LBP: variants seen among roughly 807,000 people sequenced by gnomAD.
LBP encodes lipopolysaccharide-binding protein.
A neutral mutation model predicts 56.6 loss-of-function variants in LBP; 53 were observed. The observed-to-expected ratio is 0.94, with a 90% CI of 0.75 to 1.18. The LOEUF is 1.18. Among genes scored for constraint, LBP ranks in the 50% most tolerant of loss-of-function variants. The probability of loss-of-function intolerance (pLI) is 0.00; values close to 1 mark genes in which losing one functional copy is unlikely to be tolerated. For synonymous variants in LBP, 227 were observed against 247.5 expected (o/e 0.92, Z 0.78); for missense variants, 601 against 598.3 (o/e 1.00, Z -0.05).
chr20:38,355,131 C>T (rs2076834155), intron 4 of LBP, among the ~76,000 whole-genome samples: 1 of 152,220 alleles, frequency 6.6e-6, no homozygotes, highest in Non-Finnish European at 1.5e-5. Context: ...AGCCGCTTCC[C>T]CAAATCTGCT....
intron 9 of LBP, among the ~76,000 whole-genome samples, chr20:38,367,163 T>G (rs1006328498): frequency 1.3e-5 from 2 of 152,134 alleles, no homozygotes; most frequent in African/African-American, 2.4e-5. Flanking sequence ...CTTTAAAAAA[T>G]TATTTTTTGG....
intron 9 of LBP, 70 bp downstream of exon 9, chr20:38,366,898 CCT>C (rs2076884370): frequency 1.5e-6 from 2 of 1,364,164 alleles, no homozygotes; most frequent in East Asian, 4.6e-5. Flanking sequence ...CTCTTTAAAA[CCT>C]CTGCATCTCT....
At chr20:38,356,479 G>A (rs1195662023) in intron 5 of LBP, among the ~76,000 whole-genome samples, 2 of 147,554 alleles carry the variant, frequency 1.4e-5, no homozygotes, top group African/African-American at 5.1e-5. Context: ...TCCAACCTCT[G>A]GTTTGGCTTT....
In LBP at chr20:38,346,638, A is replaced by G. The variant is rs776636474; in HGVS notation, c.122A>G (p.Tyr41Cys). Reference protein sequence around the residue: ...VARITDKGLQYAAQEGLLALQ... With the variant: ...VARITDKGLQCAAQEGLLALQ... Reference sequence around the variant, plus strand: ...AGGATCACCGACAAGGGACTGCAGTATGGTAAGAAGCCACATCTGCTGGCT... The same window carrying G: ...AGGATCACCGACAAGGGACTGCAGTGTGGTAAGAAGCCACATCTGCTGGCT... The change falls in exon 1 of 15, where the codon TAT becomes TGT. Residue 41 changes from tyrosine (Y) to cysteine (C), a missense_variant and splice_region_variant. Physicochemically the swap from Tyr to Cys is radical, Grantham distance 194. Transcript: ENST00000217407. 8.1e-6 allele frequency: 13 copies of G among 1,613,346 alleles called. No homozygotes were observed. In the Admixed American group the frequency reaches 2.0e-4, roughly 25 times the overall value.
chr20:38,350,100 T>C (rs979914247), intron 2 of LBP, among the ~76,000 whole-genome samples: 2 of 152,160 alleles, frequency 1.3e-5, no homozygotes, highest in African/African-American at 2.4e-5. Flanking sequence ...AGCCAAGTCT[T>C]CAAAAGATTA....
intron 2 of LBP, among the ~76,000 whole-genome samples, chr20:38,350,404 TC>T (rs552745629): frequency 3.5e-4 from 54 of 152,124 alleles, no homozygotes; most frequent in Non-Finnish European, 6.5e-4. Context: ...TGAATCTGTT[TC>T]CCCCCTACCT....
chr20:38,375,683 A>G (rs1422777210), intron 14 of LBP, among the ~76,000 whole-genome samples: 1 of 152,244 alleles, frequency 6.6e-6, no homozygotes, highest in Non-Finnish European at 1.5e-5. Flanking sequence ...TATTCAAACT[A>G]TTATTCTGAC....
At chr20:38,352,522 A>G (rs2076823994) in intron 3 of LBP, among the ~76,000 whole-genome samples, 1 of 152,228 alleles carries the variant, frequency 6.6e-6, no homozygotes, top group African/African-American at 2.4e-5. Flanking sequence ...TGGGAGGCTG[A>G]GGCAGGTGGA....
rs544709874 is a variant in LBP at position 38,373,976 on chromosome 20, G to A, written c.1364G>A (p.Arg455His). ...AEGFPLPLLKRVQLYDLGLQI... is the reference protein window; with the variant it reads ...AEGFPLPLLKHVQLYDLGLQI... Reference sequence around the variant, plus strand: ...GGCTTCCCCCTTCCTCTGCTGAAGCGTGTTCAGCTCTACGACCTTGGGCTG... The same window carrying A: ...GGCTTCCCCCTTCCTCTGCTGAAGCATGTTCAGCTCTACGACCTTGGGCTG... Residue 455 changes from arginine (R) to histidine (H), a missense_variant, in exon 14 of 15, where the codon CGT becomes CAT. Transcript: ENST00000217407. The A allele has an allele frequency of 9.9e-6, 16 of 1,614,030 alleles. No homozygotes were observed. Among genetic ancestry groups the A allele is most frequent in the East Asian group, 4.5e-5 (2 of 44,884 alleles).
intron 5 of LBP, among the ~76,000 whole-genome samples, chr20:38,357,097 T>C (rs147651643): frequency 0.073 from 11,129 of 152,208 alleles, 1,301 homozygotes; most frequent in African/African-American, 0.25. Context: ...CCTCATGATC[T>C]GCTCACCTCA....
chr20:38,363,020 A>G (rs182463963), intron 6 of LBP, among the ~76,000 whole-genome samples: 2 of 152,312 alleles, frequency 1.3e-5, no homozygotes, highest in African/African-American at 4.8e-5. Context: ...TAGCTGGTTT[A>G]TTCTCCTTGC....
At chr20:38,371,818 GCA>G (rs145688223) in intron 12 of LBP, among the ~76,000 whole-genome samples, 3 of 151,718 alleles carry the variant, frequency 2.0e-5, no homozygotes, top group Non-Finnish European at 4.4e-5. Flanking sequence ...TAAAAAATTT[GCA>G]CACACACACA....
In LBP at chr20:38,354,332, G is replaced by A. The variant is rs927682341; in HGVS notation, c.417G>A (p.Ser139=). 4.3e-5 allele frequency: 69 copies of A among 1,613,606 alleles called. No individual in the cohort carries two copies. Among genetic ancestry groups the A allele is most frequent in the Non-Finnish European group, 5.7e-5 (67 of 1,179,920 alleles). The change falls in exon 4 of 15, where the codon TCG becomes TCA. Residue 139 remains serine (S), a synonymous_variant. Coordinates refer to ENST00000217407, the MANE Select transcript of LBP (RefSeq NM_004139.5). ...TCAGTGTCAAGGGCATCAGCATTTC[G>A]GTCAACCTCCTGTTGGGCAGCGAGT... The part of the protein sequence containing the change: ...FDVSVKGISI[S]VNLLLGSESS...
At chr20:38,362,877 G>T (rs556241355) in intron 6 of LBP, among the ~76,000 whole-genome samples, 14 of 152,196 alleles carry the variant, frequency 9.2e-5, no homozygotes, top group Admixed American at 9.2e-4. Context: ...GAGCCCAGGA[G>T]GTCAAGGCAG....
rs765916714 is a variant in LBP at position 38,347,952 on chromosome 20, C to G, written c.124+1312C>G. On this transcript the variant is annotated intron_variant, in intron 1 of 14. Coordinates refer to ENST00000217407, the MANE Select transcript of LBP (RefSeq NM_004139.5). ...GGGTTGTTGGGAGCCCAGACTGGCT[C>G]GAGACAGGCAGAGGGAAATCAGGGA... is the stretch of plus-strand genomic sequence containing the variant. Among the ~76,000 whole-genome samples the G allele has an allele frequency of 2.0e-5, 3 of 152,012 alleles. No homozygotes were observed. The East Asian group carries it at 5.8e-4, about 29-fold the overall frequency.
In LBP at chr20:38,376,952, C is replaced by T; in HGVS notation, c.*283C>T. On this transcript the variant is annotated 3_prime_UTR_variant, in exon 15 of 15. Transcript: ENST00000217407. ...TGTATTTTTTTATTCGCCATCTGAT[C>T]CCCATGCCTAGCAGAGTGCTGGCAC... 1.7e-6 allele frequency: 1 copy of T among 581,794 alleles called. No homozygotes were observed. The allele number at this position is 581,794 out of a possible 1,614,324, so 36.0% of individuals were successfully genotyped here. A position where few individuals can be genotyped will look rare whatever the true frequency, so the allele number is the denominator to read the frequency against.
At chr20:38,371,774 G>A (rs1166764587) in intron 12 of LBP, among the ~76,000 whole-genome samples, 1 of 151,756 alleles carries the variant, frequency 6.6e-6, no homozygotes. Context: ...CCAATTGGTA[G>A]CAAGCCCCAG....
intron 8 of LBP, among the ~76,000 whole-genome samples, chr20:38,365,500 C>T (rs563241248): frequency 1.2e-3 from 187 of 151,626 alleles, no homozygotes; most frequent in African/African-American, 4.2e-3. Context: ...AGTTCAAGAC[C>T]AGCCTGGTCA....
In LBP at chr20:38,375,177, G is replaced by C. The variant is rs549719574; in HGVS notation, c.1401+1164G>C. 3.4e-4 allele frequency among the ~76,000 whole-genome samples: 44 copies of C among 128,368 alleles called. 1 individual carries two copies. The highest frequency in any genetic ancestry group is 1.3e-3 in the African/African-American group (40 of 31,632). The allele number at this position is 128,368 out of a possible 152,430, so 84.2% of individuals were successfully genotyped here. The stretch of plus-strand genomic sequence containing the variant: ...CAGTTTGAATTTTGGTGTACTTCTA[G>C]TGCTTTTTGTTTTAAGGGTTTTTTT... On this transcript the variant is annotated intron_variant, in intron 14 of 14. Transcript: ENST00000217407.
Sources: allele counts gnomAD v4.1 joint callset (sites outside exome capture counted in the v4.1 genomes callset), GRCh38; gene constraint gnomAD v4.1.1; transcripts MANE v1.5; gene names NCBI Gene and HGNC (gene_info 2026-07-23, HGNC 2026-07-21).